The following PPP1R12A variants were observed in gnomAD, a reference collection of about 807,000 sequenced individuals.
The protein encoded by PPP1R12A is myosin binding subunit.
PPP1R12A carries 19 observed loss-of-function variants against 139.6 expected under a neutral mutation model. The observed-to-expected ratio is 0.14, with a 90% CI of 0.09 to 0.20. The LOEUF is 0.20. Among genes scored for constraint, PPP1R12A ranks in the 10% least tolerant of loss-of-function variants. The probability of loss-of-function intolerance (pLI) is 1.00; values close to 1 mark genes in which losing one functional copy is unlikely to be tolerated. For synonymous variants in PPP1R12A, 427 were observed against 420.6 expected, an observed-to-expected ratio of 1.02 and a Z score of -0.19; for missense variants, 925 against 1,211.5, an observed-to-expected ratio of 0.76 and a Z score of 3.51.
intron 1 of PPP1R12A, chr12:79,878,363 C>A (rs904164087): frequency 6.6e-6 from 1 of 152,034 alleles, no homozygotes; most frequent in Non-Finnish European, 1.5e-5. Context: ...CAGATCCAAC[C>A]CTGCTTAGCT....
intron 1 of PPP1R12A, 81 bp downstream of exon 1, chr12:79,934,614 G>A (rs1391055486): frequency 7.1e-6 from 9 of 1,273,090 alleles, no homozygotes; most frequent in South Asian, 6.0e-5. Context: ...GCCTCAAGAG[G>A]TGGAGAACTG....
chr12:79,842,923 A>G (rs1878912994), intron 3 of PPP1R12A, among the ~76,000 whole-genome samples: 1 of 152,140 alleles, frequency 6.6e-6, no homozygotes, highest in Admixed American at 6.5e-5. Flanking sequence ...TTGCAAAAGA[A>G]AAACTCTGCC....
In PPP1R12A at chr12:79,796,953, G is replaced by A. The variant is rs367582961; in HGVS notation, c.2293-3C>T. 1.8e-5 allele frequency: 29 copies of A among 1,595,952 alleles called. No individual in the cohort carries two copies. The South Asian group carries it at 2.9e-4, about 16-fold the overall frequency. On this transcript the variant is annotated splice_polypyrimidine_tract_variant and splice_region_variant and intron_variant, in intron 16 of 24. Transcript: ENST00000450142. Reference sequence around the variant, plus strand: ...ACTGGCCTATAACGCTGGTAAGTCTGTGAAACATTAAGATCAAAACCCATT... The same window carrying A: ...ACTGGCCTATAACGCTGGTAAGTCTATGAAACATTAAGATCAAAACCCATT...
chr12:79,906,587 G>C (rs1428948453), intron 1 of PPP1R12A, among the ~76,000 whole-genome samples: 2 of 151,352 alleles, frequency 1.3e-5, no homozygotes, highest in Non-Finnish European at 2.9e-5. Flanking sequence ...CAAAGTGCTG[G>C]TTTATTTATT....
At chr12:79,839,336 T>C (rs1878441229) in intron 3 of PPP1R12A, among the ~76,000 whole-genome samples, 1 of 152,188 alleles carries the variant, frequency 6.6e-6, no homozygotes, top group Non-Finnish European at 1.5e-5. Context: ...GGACTTACCT[T>C]GCCTCAGATG....
rs1368826047 is a variant in PPP1R12A, at chr12:79,845,363, A to C, written c.426T>G (p.Pro142=). The C allele has an allele frequency of 6.2e-7, 1 of 1,613,654 alleles. No individual in the cohort carries two copies. The highest frequency in any genetic ancestry group is 8.5e-7 in the Non-Finnish European group (1 of 1,179,798). The part of the protein sequence containing the change: ...VGAVNSEGDT[P]LDIAEEEAME... ...TTGCCTCCTCCTCCGCAATATCTAA[A>C]GGTGTATCTCCTTCACTGTTGACAG... The change falls in exon 3 of 25, where the codon CCT becomes CCG. Residue 142 remains proline (P), a synonymous_variant. Transcript: ENST00000450142.
At chr12:79,889,180 T>C (rs914342600) in intron 1 of PPP1R12A, among the ~76,000 whole-genome samples, 1 of 152,206 alleles carries the variant, frequency 6.6e-6, no homozygotes, top group African/African-American at 2.4e-5. Context: ...GTGTGTGTAT[T>C]TGTTCACATA....
chr12:79,888,986 G>A (rs1203518974), intron 1 of PPP1R12A, among the ~76,000 whole-genome samples: 1 of 152,144 alleles, frequency 6.6e-6, no homozygotes, highest in African/African-American at 2.4e-5. Flanking sequence ...AATCACATGT[G>A]CAAAATGACA....
intron 13 of PPP1R12A, 108 bp downstream of exon 13, chr12:79,806,053 AAATTT>A: frequency 1.5e-6 from 2 of 1,361,122 alleles, no homozygotes; most frequent in Middle Eastern, 1.9e-4. Flanking sequence ...GTCTGCAAAT[AAATTT>A]AACAAGATAA....
At position 79,775,717 on chromosome 12, in the gene PPP1R12A, T is replaced by TA. The variant is rs5799439; in HGVS notation, c.*211dup. ...ATTAACATGAAACAATGGTCTTGAT[T>TA]AAAAAAAAAAAACAAAAAACAAACC... is the stretch of plus-strand genomic sequence containing the variant. On this transcript the variant is annotated 3_prime_UTR_variant, in exon 25 of 25. Coordinates refer to ENST00000450142, the MANE Select transcript of PPP1R12A (RefSeq NM_002480.3). The TA allele has an allele frequency of 1.9e-3, 491 of 253,156 alleles. No homozygotes were observed. The highest frequency in any genetic ancestry group is 0.01 in the East Asian group (160 of 15,390). 15.7% of individuals were successfully genotyped at this position (253,156 alleles called of 1,614,324 possible).
At chr12:79,912,289 C>G (rs1468547031) in intron 1 of PPP1R12A, among the ~76,000 whole-genome samples, 2 of 152,176 alleles carry the variant, frequency 1.3e-5, no homozygotes, top group Admixed American at 6.5e-5. Flanking sequence ...CTTAATACAA[C>G]TTGCATTGAT....
intron 5 of PPP1R12A, among the ~76,000 whole-genome samples, chr12:79,826,130 G>C (rs920933532): frequency 6.6e-6 from 1 of 151,912 alleles, no homozygotes; most frequent in Non-Finnish European, 1.5e-5. Flanking sequence ...AAACTAAAAC[G>C]AAAAGAAGTT....
chr12:79,785,510 T>C (rs1322255152), intron 22 of PPP1R12A, among the ~76,000 whole-genome samples: 1 of 152,060 alleles, frequency 6.6e-6, no homozygotes, highest in Admixed American at 6.5e-5. Flanking sequence ...AAAAAGTACA[T>C]AGTCCCATTC....
chr12:79,794,139 G>A (rs753246620), intron 18 of PPP1R12A, among the ~76,000 whole-genome samples: 1 of 151,668 alleles, frequency 6.6e-6, no homozygotes, highest in Non-Finnish European at 1.5e-5. Context: ...CTGGGGGTAG[G>A]GCTCATTATA....
At position 79,932,644 on chromosome 12, in the gene PPP1R12A, T is replaced by C. The variant is rs559481628; in HGVS notation, c.237+2051A>G. ...TAAAACAAAATACCCAATAAAGATA[T>C]ATCTACACAACACCAAACTGACCAC... On this transcript the variant is annotated intron_variant, in intron 1 of 24. Transcript: ENST00000450142. Among the ~76,000 whole-genome samples the C allele has an allele frequency of 6.5e-4, 99 of 152,010 alleles. 1 individual carries two copies. In the South Asian group the frequency reaches 0.018, roughly 28 times the overall value.
At chr12:79,836,764 C>T (rs1021029900) in intron 3 of PPP1R12A, among the ~76,000 whole-genome samples, 12 of 152,134 alleles carry the variant, frequency 7.9e-5, no homozygotes, top group African/African-American at 2.9e-4. Context: ...AAGTTCAGTG[C>T]TTTGACTAAC....
chr12:79,788,499 T>C (rs1006920711), intron 21 of PPP1R12A, 149 bp downstream of exon 21: 1 of 689,384 alleles, frequency 1.5e-6, no homozygotes, highest in Non-Finnish European at 2.3e-6. Flanking sequence ...AACAGCTATT[T>C]ACATTCTACT....
chr12:79,889,162 T>C (rs928549897), intron 1 of PPP1R12A, among the ~76,000 whole-genome samples: 26 of 152,220 alleles, frequency 1.7e-4, no homozygotes, highest in African/African-American at 6.3e-4. Context: ...CAATGTGATA[T>C]ATTTTGTGTG....
Position 79,802,102 on chromosome 12 carries a change from C to T in PPP1R12A, c.2000+3490G>A, listed in dbSNP as rs149990744. 5.9e-5 allele frequency among the ~76,000 whole-genome samples: 9 copies of T among 152,098 alleles called. No homozygotes were observed. In the South Asian group the frequency reaches 1.7e-3, roughly 28 times the overall value. On this transcript the variant is annotated intron_variant, in intron 14 of 24. Transcript: ENST00000450142. ...CATTAATTCTGGGATATAAGAGGGG[C>T]TTGTTATAGAAAATGATTGCATAAA...
Sources: gnomAD v4.1 joint callset for allele counts (sites outside exome capture counted in the v4.1 genomes callset) on GRCh38, gnomAD v4.1.1 for gene constraint, MANE v1.5 for transcripts, NCBI Gene and HGNC (gene_info 2026-07-23, HGNC 2026-07-21) for gene names.